The following DCUN1D3 variants were observed in gnomAD, a reference collection of about 807,000 sequenced individuals.
The protein encoded by DCUN1D3 is defective in cullin neddylation 1 domain containing 3.
In DCUN1D3, 6 loss-of-function variants were observed where a neutral mutation model predicts 24.8. The ratio of observed to expected loss-of-function variants is 0.24; its 90% confidence interval spans 0.13 to 0.48. The LOEUF is 0.48. DCUN1D3 is among the 20% of genes least tolerant of loss of function. The probability of loss-of-function intolerance (pLI) is 0.99; values close to 1 mark genes in which losing one functional copy is unlikely to be tolerated. For synonymous variants in DCUN1D3, 120 were observed against 144.9 expected (o/e 0.83, Z 1.24); for missense variants, 258 against 379.4 (o/e 0.68, Z 2.66).
chr16:20,872,733 A>C (rs2081795292), intron 1 of DCUN1D3, among the ~76,000 whole-genome samples: 1 of 152,342 alleles, frequency 6.6e-6, no homozygotes, highest in Non-Finnish European at 1.5e-5. Flanking sequence ...AGAGGCATAA[A>C]GAAAAAAAAA....
Position 20,859,728 on chromosome 16 carries a change from A to G in DCUN1D3, c.*158T>C, listed in dbSNP as rs2081720926. 3 of 1,032,550 alleles carry G rather than the reference A, an allele frequency of 2.9e-6. No homozygotes were observed. Among genetic ancestry groups the G allele is most frequent in the Non-Finnish European group, 4.0e-6 (3 of 750,300 alleles). The allele number at this position is 1,032,550 out of a possible 1,614,324, so 64.0% of individuals were successfully genotyped here. The stretch of plus-strand genomic sequence containing the variant: ...CCAAAAAAATGAAGAAAGTGCCTAA[A>G]ACATGATACAGCATTTTAGAGCCCT... On this transcript the variant is annotated 3_prime_UTR_variant, in exon 3 of 3. Transcript: ENST00000324344.
rs2081708434 is a variant in DCUN1D3 at position 20,857,599 on chromosome 16, T to A, written c.*2287A>T. 6.6e-6 allele frequency: 1 copy of A among 152,198 alleles called. No homozygotes were observed. The highest frequency in any genetic ancestry group is 2.4e-5 in the African/African-American group (1 of 41,442). The allele number at this position is 152,198 out of a possible 1,614,324, so 9.4% of individuals were successfully genotyped here. A position where few individuals can be genotyped will look rare whatever the true frequency, so the allele number is the denominator to read the frequency against. ...GAAAATGAGTTGCAAACTGGCTTAA[T>A]GAAAAAGCAGTCTTTTTAAAACCTC... On this transcript the variant is annotated 3_prime_UTR_variant, in exon 3 of 3. Coordinates refer to ENST00000324344, the MANE Select transcript of DCUN1D3 (RefSeq NM_173475.4).
intron 1 of DCUN1D3, among the ~76,000 whole-genome samples, chr16:20,876,100 G>A (rs978564546): frequency 2.0e-5 from 3 of 152,038 alleles, no homozygotes; most frequent in Non-Finnish European, 2.9e-5. Flanking sequence ...TCGAGTAGCT[G>A]GGATTACAGG....
chr16:20,875,473 C>A (rs1484888146), intron 1 of DCUN1D3, among the ~76,000 whole-genome samples: 2 of 152,174 alleles, frequency 1.3e-5, no homozygotes, highest in Admixed American at 1.3e-4. Context: ...TTGTACAGCC[C>A]AGCTCTACCA....
chr16:20,883,288 G>A lies in DCUN1D3; in HGVS notation c.-106+16916C>T, dbSNP rs372200883. Among the ~76,000 whole-genome samples, 33 of 152,262 alleles carry A rather than the reference G, an allele frequency of 2.2e-4. No individual in the cohort carries two copies. In the East Asian group the frequency reaches 2.5e-3, roughly 12 times the overall value. ...AGCACTTTGGGAGGCCGAGGCGGAC[G>A]GATCACGAGGTCAGGAGATCGAGAC... On this transcript the variant is annotated intron_variant, in intron 1 of 2. Coordinates refer to ENST00000324344, the MANE Select transcript of DCUN1D3 (RefSeq NM_173475.4).
intron 1 of DCUN1D3, among the ~76,000 whole-genome samples, chr16:20,862,875 A>C (rs899411961): frequency 1.3e-5 from 2 of 152,192 alleles, no homozygotes; most frequent in African/African-American, 4.8e-5. Flanking sequence ...AAAATTCTTA[A>C]GGTAACATAG....
chr16:20,868,597 G>A (rs535660418), intron 1 of DCUN1D3, among the ~76,000 whole-genome samples: 101 of 152,322 alleles, frequency 6.6e-4, no homozygotes, highest in African/African-American at 2.4e-3. Flanking sequence ...GTTGGTGTTA[G>A]CCTCTATAAT....
chr16:20,877,787 T>C (rs2081823549), intron 1 of DCUN1D3, among the ~76,000 whole-genome samples: 1 of 152,192 alleles, frequency 6.6e-6, no homozygotes, highest in Non-Finnish European at 1.5e-5. Context: ...CTCAATTCAG[T>C]TCTCAAGAGC....
chr16:20,864,113 T>C (rs1338682733), intron 1 of DCUN1D3, among the ~76,000 whole-genome samples: 1 of 151,876 alleles, frequency 6.6e-6, no homozygotes, highest in Non-Finnish European at 1.5e-5. Flanking sequence ...AAAGCAAAAA[T>C]TGACAAGTGG....
At chr16:20,873,063 A>G (rs1470945420) in intron 1 of DCUN1D3, among the ~76,000 whole-genome samples, 1 of 150,416 alleles carries the variant, frequency 6.6e-6, no homozygotes, top group Non-Finnish European at 1.5e-5. Flanking sequence ...CAGAGGTAGC[A>G]GTGAGGAAGA....
At chr16:20,869,804 A>T (rs1237523772) in intron 1 of DCUN1D3, among the ~76,000 whole-genome samples, 1 of 152,146 alleles carries the variant, frequency 6.6e-6, no homozygotes, top group African/African-American at 2.4e-5. Context: ...TGAGGGAGGT[A>T]GCCTGAGGTC....
At chr16:20,875,506 A>G (rs774116445) in intron 1 of DCUN1D3, among the ~76,000 whole-genome samples, 19 of 152,208 alleles carry the variant, frequency 1.2e-4, no homozygotes, top group Non-Finnish European at 2.4e-4. Flanking sequence ...ACACTTAACC[A>G]TATTCCATCT....
intron 1 of DCUN1D3, among the ~76,000 whole-genome samples, chr16:20,865,581 G>A (rs1397600906): frequency 1.3e-5 from 2 of 152,164 alleles, no homozygotes; most frequent in Admixed American, 6.5e-5. Context: ...TGTGGACCAG[G>A]AGCCAGAAGT....
At chr16:20,890,935 A>G (rs1267447778) in intron 1 of DCUN1D3, among the ~76,000 whole-genome samples, 2 of 151,482 alleles carry the variant, frequency 1.3e-5, no homozygotes, top group Non-Finnish European at 2.9e-5. Flanking sequence ...TTTTTTAAAG[A>G]AGAAAGACTA....
intron 2 of DCUN1D3, among the ~76,000 whole-genome samples, chr16:20,861,670 C>T (rs373881729): frequency 6.6e-6 from 1 of 151,750 alleles, no homozygotes; most frequent in South Asian, 2.1e-4. Flanking sequence ...TGAGCAGTGC[C>T]CAGTTACTCA....
At chr16:20,892,805 G>A (rs2081898132) in intron 1 of DCUN1D3, among the ~76,000 whole-genome samples, 2 of 152,148 alleles carry the variant, frequency 1.3e-5, no homozygotes, top group Non-Finnish European at 2.9e-5. Flanking sequence ...ACTCCTATTT[G>A]AATGTAATAT....
At position 20,859,725 on chromosome 16, in the gene DCUN1D3, TA is replaced by T; in HGVS notation, c.*160del. The T allele has an allele frequency of 1.0e-6, 1 of 998,600 alleles. No individual in the cohort carries two copies. The allele number at this position is 998,600 out of a possible 1,614,324, so 61.9% of individuals were successfully genotyped here. A position where few individuals can be genotyped will look rare whatever the true frequency, so the allele number is the denominator to read the frequency against. ...TAACCAAAAAAATGAAGAAAGTGCC[TA>T]AAACATGATACAGCATTTTAGAGCC... On this transcript the variant is annotated 3_prime_UTR_variant, in exon 3 of 3. Coordinates refer to ENST00000324344, the MANE Select transcript of DCUN1D3 (RefSeq NM_173475.4).
intron 1 of DCUN1D3, among the ~76,000 whole-genome samples, chr16:20,889,491 T>C (rs1010274312): frequency 6.6e-6 from 1 of 152,246 alleles, no homozygotes; most frequent in African/African-American, 2.4e-5. Flanking sequence ...CTGACTATTC[T>C]GGGAATGCCA....
chr16:20,885,087 T>G (rs2081862469), intron 1 of DCUN1D3, among the ~76,000 whole-genome samples: 1 of 151,572 alleles, frequency 6.6e-6, no homozygotes, highest in Non-Finnish European at 1.5e-5. Context: ...GCAATTCTCC[T>G]GCCTCAGCCT....
Sources: allele counts gnomAD v4.1 joint callset (sites outside exome capture counted in the v4.1 genomes callset), GRCh38; gene constraint gnomAD v4.1.1; transcripts MANE v1.5; gene names NCBI Gene and HGNC (gene_info 2026-07-23, HGNC 2026-07-21).